Variants in ZNF324 observed in about 807,000 individuals in gnomAD.
The protein encoded by ZNF324 is zinc finger protein 324A.
Under a neutral mutation model 10.3 loss-of-function variants are expected in ZNF324, and 3 were observed. That is an observed-to-expected ratio of 0.29 (90% CI 0.13 to 0.75). The LOEUF is 0.75. Ranked by LOEUF, ZNF324 falls within the 30% of genes least tolerant of loss-of-function variation. ZNF324 has a pLI of 0.69. For synonymous variants in ZNF324, 430 were observed against 339.5 expected (o/e 1.27, Z -2.93); for missense variants, 763 against 784.4 (o/e 0.97, Z 0.33).
Position 58,473,765 on chromosome 19 carries a change from G to A in ZNF324, c.*1611G>A, listed in dbSNP as rs1430287232. The A allele has an allele frequency of 6.6e-6, 1 of 152,236 alleles. No homozygotes were observed. Among genetic ancestry groups the A allele is most frequent in the Non-Finnish European group, 1.5e-5 (1 of 68,088 alleles). The allele number at this position is 152,236 out of a possible 1,614,324, so 9.4% of individuals were successfully genotyped here. Reference sequence around the variant, plus strand: ...CCTGTCTGCAGCCCAGGGAGGGAGTGGGATACCTGTATCCTTTTCAGGGTC... The same window carrying A: ...CCTGTCTGCAGCCCAGGGAGGGAGTAGGATACCTGTATCCTTTTCAGGGTC... On this transcript the variant is annotated 3_prime_UTR_variant, in exon 4 of 4. Coordinates refer to ENST00000196482, the MANE Select transcript of ZNF324 (RefSeq NM_014347.3).
In ZNF324 at chr19:58,469,738, C is replaced by T. The variant is rs762690197; in HGVS notation, c.132C>T (p.Thr44=). The T allele has an allele frequency of 4.4e-6, 7 of 1,575,412 alleles. No individual in the cohort carries two copies. Among genetic ancestry groups the T allele is most frequent in the Non-Finnish European group, 6.0e-6 (7 of 1,160,408 alleles). Residue 44 remains threonine, a synonymous_variant, in exon 3 of 4, where the codon ACC becomes ACT. Transcript: ENST00000196482. ...ACCTCCTCCTCACAGGACTCTCCAC[C>T]TCTCGACCTCGTGTGGTCATCCAAC... ...FALVASLGLS[T]SRPRVVIQLE...
chr19:58,471,264 G>A lies in ZNF324; in HGVS notation c.772G>A (p.Glu258Lys), dbSNP rs767219713. The change falls in exon 4 of 4, where the codon GAA (glutamate) becomes AAA (lysine). Residue 258 changes from glutamate (E) to lysine (K), a missense_variant. Transcript: ENST00000196482. Reference protein sequence around the residue: ...EALHAGEKSFECRACSKVFVK... With the variant: ...EALHAGEKSFKCRACSKVFVK... The stretch of plus-strand genomic sequence containing the variant: ...TCTTCACGCTGGGGAGAAGTCCTTC[G>A]AATGCAGGGCGTGCAGCAAAGTGTT... The A allele has an allele frequency of 7.4e-6, 12 of 1,613,492 alleles. No individual in the cohort carries two copies. The highest frequency in any genetic ancestry group is 1.0e-5 in the Non-Finnish European group (12 of 1,179,954).
chr19:58,469,993 A>G (rs1414125249), intron 3 of ZNF324, 149 bp downstream of exon 3: 2 of 639,116 alleles, frequency 3.1e-6, no homozygotes, highest in Admixed American at 2.9e-5. Context: ...TGGAGGCTGC[A>G]GCCTTAGCTG....
In ZNF324 at chr19:58,473,917, G is replaced by A. The variant is rs1254168309; in HGVS notation, c.*1763G>A. The A allele has an allele frequency of 6.6e-6, 1 of 152,396 alleles. No homozygotes were observed. Among genetic ancestry groups the A allele is most frequent in the Non-Finnish European group, 1.5e-5 (1 of 68,172 alleles). 9.4% of individuals were successfully genotyped at this position (152,396 alleles called of 1,614,324 possible). ...GGAGGATGGTAGGTGGAGAAACCAA[G>A]GCAGGGCTGTGTTCCTTCTGCTGCT... On this transcript the variant is annotated 3_prime_UTR_variant, in exon 4 of 4. Transcript: ENST00000196482.
chr19:58,472,126 C>T lies in ZNF324; in HGVS notation c.1634C>T (p.Ala545Val), dbSNP rs142263975. 1,081 of 1,588,736 alleles carry T rather than the reference C, an allele frequency of 6.8e-4. 2 individuals are homozygous for T. Among genetic ancestry groups the T allele is most frequent in the Non-Finnish European group, 8.4e-4 (986 of 1,168,808 alleles). ...ETEPTPASGP[A>V]AVSQPAEV ...GAGCCCACTCCCGCCTCGGGCCCAG[C>T]CGCCGTCTCGCAGCCAGCGGAGGTC... Residue 545 changes from alanine (A) to valine (V), a missense_variant, in exon 4 of 4, where the codon GCC becomes GTC. Physicochemically the swap from Ala to Val is moderately conservative, Grantham distance 64 (BLOSUM62 0). Around this residue, in one of 3 missense-constraint regions of ZNF324, gnomAD observed 231 missense variants for 196.0 expected, o/e 1.18. Transcript: ENST00000196482.
At position 58,473,052 on chromosome 19, in the gene ZNF324, G is replaced by C. The variant is rs950252496; in HGVS notation, c.*898G>C. On this transcript the variant is annotated 3_prime_UTR_variant, in exon 4 of 4. Transcript: ENST00000196482. ...CTCAGCTTGGCCAAGGCCTGTCACT[G>C]ACTGGTTTACCAAAGTCGATGTGAG... The C allele has an allele frequency of 1.3e-5, 2 of 152,672 alleles. No homozygotes were observed. The highest frequency in any genetic ancestry group is 1.3e-4 in the Admixed American group (2 of 15,288). 9.5% of individuals were successfully genotyped at this position (152,672 alleles called of 1,614,324 possible).
In ZNF324 at chr19:58,471,616, G is replaced by A; in HGVS notation, c.1124G>A (p.Gly375Asp). 6.2e-7 allele frequency: 1 copy of A among 1,606,992 alleles called. No individual in the cohort carries two copies. Among genetic ancestry groups the A allele is most frequent in the South Asian group, 1.1e-5 (1 of 90,726 alleles). The change falls in exon 4 of 4, where the codon GGC becomes GAC. Residue 375 changes from glycine to aspartate, a missense_variant. By Grantham distance (94) the Gly-to-Asp change is moderately conservative. Coordinates refer to ENST00000196482, the MANE Select transcript of ZNF324 (RefSeq NM_014347.3). ...CGTCCTTATGCTTGCGCACAGTGTG[G>A]CCGCCGCTTCTGCCGCAACTCGCAC... The part of the protein sequence containing the change: ...GGRPYACAQC[G>D]RRFCRNSHLI...
At chr19:58,470,490 C>T (rs1197000598) in intron 3 of ZNF324, 3 of 634,762 alleles carry the variant, frequency 4.7e-6, no homozygotes, top group Non-Finnish European at 8.6e-6. Flanking sequence ...CTCAGCTTCA[C>T]ATCCTGGGTG....
rs539279355 is a variant in ZNF324, at chr19:58,474,392, T to G, written c.*2238T>G. 1 of 152,284 alleles carries G rather than the reference T, an allele frequency of 6.6e-6. No homozygotes were observed. The highest frequency in any genetic ancestry group is 6.5e-5 in the Admixed American group (1 of 15,296). 9.4% of individuals were successfully genotyped at this position (152,284 alleles called of 1,614,324 possible). ...TGACAGACGCTTCTTGAGCGAAGTT[T>G]CTGCCCTGAGCCCGCCTGACCCCTT... On this transcript the variant is annotated 3_prime_UTR_variant, in exon 4 of 4. Coordinates refer to ENST00000196482, the MANE Select transcript of ZNF324 (RefSeq NM_014347.3).
At position 58,472,124 on chromosome 19, in the gene ZNF324, A is replaced by G. The variant is rs772781917; in HGVS notation, c.1632A>G (p.Pro544=). The G allele has an allele frequency of 6.3e-6, 10 of 1,590,168 alleles. No homozygotes were observed. In the African/African-American group the frequency reaches 8.0e-5, roughly 13 times the overall value. Residue 544 remains proline, a synonymous_variant, in exon 4 of 4, where the codon CCA becomes CCG. Transcript: ENST00000196482. ...CCGAGCCCACTCCCGCCTCGGGCCC[A>G]GCCGCCGTCTCGCAGCCAGCGGAGG... ...KETEPTPASG[P]AAVSQPAEV
rs1309947032 is a variant in ZNF324, at chr19:58,471,171, G to C, written c.679G>C (p.Val227Leu). Residue 227 changes from valine to leucine, a missense_variant, in exon 4 of 4, where the codon GTT becomes CTT. By Grantham distance (32) the Val-to-Leu change is conservative. Around this residue, in one of 3 missense-constraint regions of ZNF324, gnomAD observed 379 missense variants for 319.4 expected, o/e 1.19. Transcript: ENST00000196482. ...TCGGGGACATCACCGAATGGGTGCA[G>C]TTTGGCAGGAGCCTCATAGACTCCT... ...GGRGHHRMGAVWQEPHRLLGG... is the reference protein window; with the variant it reads ...GGRGHHRMGALWQEPHRLLGG... 1 of 1,613,820 alleles carries C rather than the reference G, an allele frequency of 6.2e-7. No homozygotes were observed.
intron 1 of ZNF324, among the ~76,000 whole-genome samples, chr19:58,468,774 G>A (rs150751655): frequency 1.3e-5 from 2 of 152,280 alleles, no homozygotes; most frequent in East Asian, 3.9e-4. Flanking sequence ...CTGGGGTCTG[G>A]TCAGGGAGGG....
chr19:58,472,441 C>T lies in ZNF324; in HGVS notation c.*287C>T, dbSNP rs1169527333. On this transcript the variant is annotated 3_prime_UTR_variant, in exon 4 of 4. Coordinates refer to ENST00000196482, the MANE Select transcript of ZNF324 (RefSeq NM_014347.3). ...TCAGAGCCAGTAGGAGGCCGACAGT[C>T]ACAGCACTGCACTGTGGTGCGGCTT... 7 of 459,688 alleles carry T rather than the reference C, an allele frequency of 1.5e-5. No individual in the cohort carries two copies. The highest frequency in any genetic ancestry group is 3.6e-5 in the Admixed American group (1 of 27,654). The allele number at this position is 459,688 out of a possible 1,614,324, so 28.5% of individuals were successfully genotyped here. A position where few individuals can be genotyped will look rare whatever the true frequency, so the allele number is the denominator to read the frequency against.
intron 2 of ZNF324, 69 bp from the exon 3 acceptor site, chr19:58,469,659 C>T (rs1015818092): frequency 7.6e-7 from 1 of 1,307,458 alleles, no homozygotes; most frequent in Non-Finnish European, 1.1e-6. Context: ...GCCCTGACTC[C>T]TGCCCTCTGT....
At position 58,471,763 on chromosome 19, in the gene ZNF324, C is replaced by T; in HGVS notation, c.1271C>T (p.Pro424Leu). The T allele has an allele frequency of 6.2e-7, 1 of 1,612,968 alleles. No individual in the cohort carries two copies. The highest frequency in any genetic ancestry group is 1.7e-4 in the Middle Eastern group (1 of 6,058). ...CAGCGCGTGCACACAGGCGAGAAGC[C>T]CTTCGCCTGCCCACAGTGCGGCCGC... The part of the protein sequence containing the change: ...KHQRVHTGEK[P>L]FACPQCGRAF... The change falls in exon 4 of 4, where the codon CCC becomes CTC. Residue 424 changes from proline to leucine, a missense_variant. This residue lies in a region of ZNF324 where 231 missense variants were observed against 196.0 expected (regional missense o/e 1.18). Coordinates refer to ENST00000196482, the MANE Select transcript of ZNF324 (RefSeq NM_014347.3).
In ZNF324 at chr19:58,471,700, G is replaced by A; in HGVS notation, c.1208G>A (p.Gly403Asp). 6.2e-7 allele frequency: 1 copy of A among 1,612,706 alleles called. No individual in the cohort carries two copies. Among genetic ancestry groups the A allele is most frequent in the Non-Finnish European group, 8.5e-7 (1 of 1,179,540 alleles). Reference sequence around the variant, plus strand: ...AAGCCCTTCGTGTGCGCGCTCTGCGGTGCTGCCTTCAGCCAGGGCTCCTCG... The same window carrying A: ...AAGCCCTTCGTGTGCGCGCTCTGCGATGCTGCCTTCAGCCAGGGCTCCTCG... ...GEKPFVCALC[G>D]AAFSQGSSLF... Residue 403 changes from glycine (G) to aspartate (D), a missense_variant, in exon 4 of 4, where the codon GGT becomes GAT. By Grantham distance (94) the Gly-to-Asp change is moderately conservative. Coordinates refer to ENST00000196482, the MANE Select transcript of ZNF324 (RefSeq NM_014347.3).
At position 58,473,977 on chromosome 19, in the gene ZNF324, C is replaced by CA. The variant is rs1366876386; in HGVS notation, c.*1825dup. On this transcript the variant is annotated 3_prime_UTR_variant, in exon 4 of 4. Transcript: ENST00000196482. ...GGTGTGGCCATGTGTGATGACCCTGCAAGGTTGACTCCAACCAGTGGGCAC... is the reference window on the plus strand; with the variant it reads ...GGTGTGGCCATGTGTGATGACCCTGCAAAGGTTGACTCCAACCAGTGGGCAC... 5 of 152,286 alleles carry CA rather than the reference C, an allele frequency of 3.3e-5. No individual in the cohort carries two copies. Among genetic ancestry groups the CA allele is most frequent in the South Asian group, 2.1e-4 (1 of 4,836 alleles). The allele number at this position is 152,286 out of a possible 1,614,324, so 9.4% of individuals were successfully genotyped here.
rs2053051410 is a variant in ZNF324, at chr19:58,472,998, G to C, written c.*844G>C. ...ACAGAGCTAGGATGATGGCTTTCCG[G>C]TGGCACTCGTTCAGGTTTTTGCCCA... On this transcript the variant is annotated 3_prime_UTR_variant, in exon 4 of 4. Transcript: ENST00000196482. The C allele has an allele frequency of 6.5e-6, 1 of 152,700 alleles. No homozygotes were observed. Among genetic ancestry groups the C allele is most frequent in the Non-Finnish European group, 1.5e-5 (1 of 68,078 alleles). The allele number at this position is 152,700 out of a possible 1,614,324, so 9.5% of individuals were successfully genotyped here. A position where few individuals can be genotyped will look rare whatever the true frequency, so the allele number is the denominator to read the frequency against.
chr19:58,469,931 C>A, intron 3 of ZNF324, 87 bp downstream of exon 3: 10 of 1,008,446 alleles, frequency 9.9e-6, no homozygotes, highest in Non-Finnish European at 1.5e-5. Context: ...CAGAAGCACC[C>A]TCCTCCCCTC....
Sources: gnomAD v4.1 joint callset for allele counts (sites outside exome capture counted in the v4.1 genomes callset) on GRCh38, gnomAD v4.1.1 for gene constraint, gnomAD v4.1.1 regional missense constraint, MANE v1.5 for transcripts, NCBI Gene and HGNC (gene_info 2026-07-23, HGNC 2026-07-21) for gene names.